Variants in NPIPB2 observed in about 807,000 individuals in gnomAD.
NPIPB2 encodes the protein nuclear pore complex-interacting protein family member B2.
NPIPB2 carries 27 observed loss-of-function variants against 30.8 expected under a neutral mutation model. That is an observed-to-expected ratio of 0.88 (90% CI 0.65 to 1.21). The LOEUF (loss-of-function observed/expected upper bound fraction) is 1.21. Ranked by LOEUF, NPIPB2 falls within the 50% of genes most tolerant of loss-of-function variation. The pLI is 0.00. For synonymous variants in NPIPB2, 147 were observed against 162.0 expected, an observed-to-expected ratio of 0.91 and a Z score of 0.70; for missense variants, 440 against 446.2, an observed-to-expected ratio of 0.99 and a Z score of 0.13.
chr16:11,941,331 GC>G (rs2054936654), intron 1 of NPIPB2: 6 of 553,218 alleles, frequency 1.1e-5, no homozygotes, highest in East Asian at 7.4e-5. Flanking sequence ...CAGGGACCGG[GC>G]CGGATCTGAG....
upstream of NPIPB2, among the ~76,000 whole-genome samples, chr16:11,944,895 C>G (rs575648958): frequency 6.6e-6 from 1 of 151,120 alleles, no homozygotes; most frequent in Non-Finnish European, 1.5e-5. Context: ...GATATAATAG[C>G]CAGCCGGGCA....
At chr16:11,935,596 G>A (rs2054854915) in intron 2 of NPIPB2, among the ~76,000 whole-genome samples, 1 of 152,150 alleles carries the variant, frequency 6.6e-6, no homozygotes, top group African/African-American at 2.4e-5. Context: ...TTACAGGCAT[G>A]AGCCACCACA....
Position 11,933,878 on chromosome 16 carries a change from A to C in NPIPB2, c.239T>G (p.Val80Gly), listed in dbSNP as rs559616310. ...GGCTCTCTGCTGTACATCTGTGGAT[A>C]CATCATGTCCATTTTCAGACTGGAA... Residue 80 changes from valine to glycine, a missense_variant, in exon 3 of 8, where the codon GTA becomes GGA. Around this residue, in one of 3 missense-constraint regions of NPIPB2, gnomAD observed 252 missense variants for 233.0 expected, o/e 1.08. Transcript: ENST00000399147. The C allele has an allele frequency of 1.0e-4, 159 of 1,565,018 alleles. No individual in the cohort carries two copies. In the African/African-American group the frequency reaches 1.3e-3, roughly 13 times the overall value.
upstream of NPIPB2, among the ~76,000 whole-genome samples, chr16:11,945,585 G>A (rs950533826): frequency 1.3e-4 from 20 of 152,074 alleles, no homozygotes; most frequent in Non-Finnish European, 2.9e-4. Flanking sequence ...GGCTGAAGCA[G>A]GAGAAACGCT....
chr16:11,967,718 T>C, intron 1 of NPIPB2: 1 of 1,614,182 alleles, frequency 6.2e-7, no homozygotes, highest in Non-Finnish European at 8.5e-7. Context: ...ACTCTGACCA[T>C]TGCTTTCCAC....
intron 1 of NPIPB2, among the ~76,000 whole-genome samples, chr16:11,951,460 C>CAAAAAAAAAAAAAAAA (rs144775580): frequency 2.0e-5 from 1 of 49,828 alleles, no homozygotes; most frequent in Non-Finnish European, 3.4e-5. Flanking sequence ...AAGACTGTCT[C>CAAAAAAAAAAAAAAAA]AAAAAAAAAA....
rs2055183704 is a variant in NPIPB2 at position 11,965,186 on chromosome 16, G to A, written c.-584+11382C>T. The A allele has an allele frequency of 2.8e-6, 3 of 1,090,020 alleles. No homozygotes were observed. The South Asian group carries it at 4.6e-5, about 17-fold the overall frequency. The allele number at this position is 1,090,020 out of a possible 1,614,324, so 67.5% of individuals were successfully genotyped here. ...GCGAAGACACAGACAGCCCCCGTAA[G>A]AACCCACGAAGCAGGCGAAGTTCAT... is the stretch of plus-strand genomic sequence containing the variant. On this transcript the variant is annotated intron_variant, in intron 1 of 5. Coordinates refer to the NPIPB2 transcript ENST00000538896.
chr16:11,942,686 A>G (rs1299956012), upstream of NPIPB2, among the ~76,000 whole-genome samples: 1 of 151,752 alleles, frequency 6.6e-6, no homozygotes. Context: ...GTATTTGCCC[A>G]CAATACCCAG....
chr16:11,941,115 C>T (rs1386834622), intron 1 of NPIPB2: 66 of 1,430,288 alleles, frequency 4.6e-5, no homozygotes, highest in Admixed American at 1.7e-4. Flanking sequence ...TTTCATGCCG[C>T]GTGACACAGC....
chr16:11,964,011 G>C, intron 1 of NPIPB2: 1 of 148,152 alleles, frequency 6.7e-6, no homozygotes, highest in Non-Finnish European at 1.5e-5. Context: ...CTCAGCCTGG[G>C]AGACAGAGTG....
chr16:11,955,720 C>CAA (rs1406203084), intron 1 of NPIPB2, among the ~76,000 whole-genome samples: 1 of 68,334 alleles, frequency 1.5e-5, no homozygotes, highest in Non-Finnish European at 2.9e-5. Flanking sequence ...GACACTGTCT[C>CAA]AAAAAAAAAA....
chr16:11,975,121 G>A (rs2055266159), intron 1 of NPIPB2, among the ~76,000 whole-genome samples: 1 of 121,188 alleles, frequency 8.3e-6, no homozygotes, highest in Non-Finnish European at 1.7e-5. Context: ...TCACACTTGT[G>A]TTCACACTCA....
At position 11,966,169 on chromosome 16, in the gene NPIPB2, ATCTG is replaced by A. The variant is rs113747593; in HGVS notation, c.-584+10395_-584+10398del. On this transcript the variant is annotated intron_variant, in intron 1 of 5. Coordinates refer to the NPIPB2 transcript ENST00000538896. ...GTGAATATTATGTTATCAGCTCATT[ATCTG>A]TCTGATGTTCTTTTCATAAAGGTGT... 136 of 1,591,312 alleles carry A rather than the reference ATCTG, an allele frequency of 8.5e-5. No individual in the cohort carries two copies. The African/African-American group carries it at 1.5e-3, about 18-fold the overall frequency.
intron 1 of NPIPB2, chr16:11,965,156 C>G: frequency 1.3e-6 from 1 of 756,596 alleles, no homozygotes; most frequent in Non-Finnish European, 2.2e-6. Flanking sequence ...AAATCCTTAG[C>G]TGCCGCGAAG....
chr16:11,934,634 G>C (rs1246954813), intron 2 of NPIPB2, among the ~76,000 whole-genome samples: 2 of 151,854 alleles, frequency 1.3e-5, no homozygotes, highest in Non-Finnish European at 2.9e-5. Flanking sequence ...GCTGAGGTGG[G>C]TGAATCACAA....
intron 1 of NPIPB2, among the ~76,000 whole-genome samples, chr16:11,974,037 G>A (rs570950292): frequency 2.0e-5 from 3 of 152,316 alleles, no homozygotes; most frequent in Admixed American, 6.5e-5. Context: ...ACAGGGAGGG[G>A]AAAAATTGTT....
chr16:11,927,452 G>T (rs769219117), exon 8 of NPIPB2: 16 of 1,101,774 alleles, frequency 1.5e-5, no homozygotes, highest in Non-Finnish European at 1.7e-5. Flanking sequence ...TTCCACCTCA[G>T]CGGCCCTCCG....
chr16:11,953,571 C>G (rs564486498), intron 1 of NPIPB2, among the ~76,000 whole-genome samples: 22 of 152,170 alleles, frequency 1.4e-4, no homozygotes, highest in African/African-American at 5.3e-4. Context: ...AGGATGGTCT[C>G]AATCTCCTGA....
intron 1 of NPIPB2, among the ~76,000 whole-genome samples, chr16:11,957,862 CA>C (rs1166353852): frequency 6.6e-6 from 1 of 152,200 alleles, no homozygotes; most frequent in African/African-American, 2.4e-5. Context: ...CCAGCTCCTA[CA>C]ATTGCATGAA....
Sources: allele counts gnomAD v4.1 joint callset (sites outside exome capture counted in the v4.1 genomes callset), GRCh38; gene constraint gnomAD v4.1.1; regional missense constraint gnomAD v4.1.1; transcripts MANE v1.5; gene names NCBI Gene and HGNC (gene_info 2026-07-23, HGNC 2026-07-21).